ATP10B: variants seen among roughly 807,000 people sequenced by gnomAD.
ATP10B encodes ATPase phospholipid transporting 10B (putative), also known as phospholipid-transporting ATPase VB.
A neutral mutation model predicts 141.2 loss-of-function variants in ATP10B; 122 were observed. The observed-to-expected ratio is 0.86, with a 90% confidence interval of 0.75 to 1.00. The LOEUF is 1.00. Ranked by LOEUF, ATP10B falls within the 50% of genes least tolerant of loss-of-function variation. ATP10B has a pLI of 0.00. For missense variants in ATP10B, 1,876 were observed against 1,825.3 expected (o/e 1.03, Z -0.51); for synonymous variants, 685 against 692.0 (o/e 0.99, Z 0.16).
chr5:160,586,969 T>C (rs1041309727), intron 24 of ATP10B, among the ~76,000 whole-genome samples: 5 of 152,224 alleles, frequency 3.3e-5, no homozygotes, highest in Admixed American at 2.6e-4. Context: ...TTTAGTTTAG[T>C]AAATTTTCAT....
At chr5:160,872,357 G>A in the ATP10B span, among the ~76,000 whole-genome samples, 1 of 152,110 alleles carries the variant, frequency 6.6e-6, no homozygotes, top group Non-Finnish European at 1.5e-5. Context: ...TGTTCCTTTT[G>A]CCAAGCAAAA....
intron 1 of ATP10B, among the ~76,000 whole-genome samples, chr5:160,792,508 C>T (rs774855321): frequency 2.6e-5 from 4 of 152,078 alleles, no homozygotes; most frequent in Non-Finnish European, 5.9e-5. Context: ...GGTTCTGAGT[C>T]ACCTCTCTGA....
At chr5:160,629,804 A>G (rs1269788102) in intron 13 of ATP10B, among the ~76,000 whole-genome samples, 1 of 152,240 alleles carries the variant, frequency 6.6e-6, no homozygotes, top group South Asian at 2.1e-4. Context: ...TACATGGGGT[A>G]GCTGAGATGA....
intron 1 of ATP10B, among the ~76,000 whole-genome samples, chr5:160,832,277 G>C (rs1195000686): frequency 6.6e-6 from 1 of 152,106 alleles, no homozygotes; most frequent in Admixed American, 6.6e-5. Flanking sequence ...CATGACTACA[G>C]TATTTGTAGT....
the ATP10B span, among the ~76,000 whole-genome samples, chr5:160,905,944 G>A: frequency 1.3e-5 from 2 of 152,038 alleles, no homozygotes; most frequent in African/African-American, 4.8e-5. Flanking sequence ...AGGAAGAAAT[G>A]GGACAATTTT....
chr5:160,803,450 G>A (rs1461011445), intron 1 of ATP10B, among the ~76,000 whole-genome samples: 2 of 152,152 alleles, frequency 1.3e-5, no homozygotes, highest in African/African-American at 4.8e-5. Context: ...GGCTGAGGAG[G>A]GCAGATCACA....
intron 1 of ATP10B, among the ~76,000 whole-genome samples, chr5:160,800,161 A>C (rs566354604): frequency 6.6e-6 from 1 of 152,234 alleles, no homozygotes; most frequent in Non-Finnish European, 1.5e-5. Context: ...ATTTTATATA[A>C]TTCTGTCATT....
At chr5:160,805,519 G>A (rs951835898) in intron 1 of ATP10B, among the ~76,000 whole-genome samples, 3 of 152,188 alleles carry the variant, frequency 2.0e-5, no homozygotes, top group Non-Finnish European at 2.9e-5. Flanking sequence ...TTTGGCACAC[G>A]CATGTGGACA....
chr5:160,764,880 A>G (rs188073799), intron 2 of ATP10B, among the ~76,000 whole-genome samples: 1 of 152,334 alleles, frequency 6.6e-6, no homozygotes, highest in Admixed American at 6.5e-5. Context: ...ATACAAAATT[A>G]ATGTACACAA....
the ATP10B span, among the ~76,000 whole-genome samples, chr5:160,904,377 A>G: frequency 5.9e-5 from 9 of 152,216 alleles, 1 homozygote; most frequent in East Asian, 1.7e-3. Context: ...TGAGGAATAG[A>G]TTTTGGGTCT....
At chr5:160,895,093 C>G in the ATP10B span, among the ~76,000 whole-genome samples, 2 of 152,222 alleles carry the variant, frequency 1.3e-5, no homozygotes, top group South Asian at 4.1e-4. Flanking sequence ...CCAGCCACTA[C>G]AAAAATATAC....
At chr5:160,620,279 A>G in intron 15 of ATP10B, 68 bp downstream of exon 15, 2 of 1,520,456 alleles carry the variant, frequency 1.3e-6, no homozygotes, top group Middle Eastern at 1.9e-4. Context: ...GCTTCTTATT[A>G]CCATTCCACA....
Position 160,563,798 on chromosome 5 carries a change from A to G in ATP10B, c.*1655T>C, listed in dbSNP as rs1486250355. The G allele has an allele frequency of 6.6e-6, 1 of 152,142 alleles. No individual in the cohort carries two copies. The highest frequency in any genetic ancestry group is 1.5e-5 in the Non-Finnish European group (1 of 68,018). 9.4% of individuals were successfully genotyped at this position (152,142 alleles called of 1,614,324 possible). ...TACCTGAGATCCAAGTTTTGACTCAATCCCCTCACTGGAAACAATTCACAT... is the reference window on the plus strand; with the variant it reads ...TACCTGAGATCCAAGTTTTGACTCAGTCCCCTCACTGGAAACAATTCACAT... On this transcript the variant is annotated 3_prime_UTR_variant, in exon 26 of 26. Transcript: ENST00000327245.
chr5:160,688,614 T>C, intron 4 of ATP10B, 146 bp downstream of exon 4: 1 of 317,942 alleles, frequency 3.1e-6, no homozygotes, highest in Non-Finnish European at 4.5e-6. Context: ...CTATACTTAT[T>C]CCACAAGATT....
intron 24 of ATP10B, among the ~76,000 whole-genome samples, chr5:160,586,089 G>A (rs150909228): frequency 1.4e-4 from 22 of 152,184 alleles, no homozygotes; most frequent in African/African-American, 5.1e-4. Context: ...TTTAAGCCCT[G>A]CATGCATTAG....
At chr5:160,840,114 G>C (rs1178706470) in intron 1 of ATP10B, among the ~76,000 whole-genome samples, 1 of 151,908 alleles carries the variant, frequency 6.6e-6, no homozygotes, top group Non-Finnish European at 1.5e-5. Flanking sequence ...GATGGCCCTT[G>C]TTCTTGTTTA....
chr5:160,889,206 G>T, the ATP10B span, among the ~76,000 whole-genome samples: 1 of 152,112 alleles, frequency 6.6e-6, no homozygotes. Flanking sequence ...AGCCAACCCC[G>T]CAGCCTTCCA....
At chr5:160,684,009 C>T (rs911496834) in intron 6 of ATP10B, among the ~76,000 whole-genome samples, 1 of 152,122 alleles carries the variant, frequency 6.6e-6, no homozygotes, top group Non-Finnish European at 1.5e-5. Flanking sequence ...TCAGATAGTC[C>T]AGTCATCCTA....
At chr5:160,707,139 TG>T (rs1414175030) in intron 3 of ATP10B, among the ~76,000 whole-genome samples, 9 of 152,020 alleles carry the variant, frequency 5.9e-5, no homozygotes, top group Non-Finnish European at 1.0e-4. Flanking sequence ...TTAGTAGAGA[TG>T]GGGTTTCACC....
Sources: allele counts gnomAD v4.1 joint callset (sites outside exome capture counted in the v4.1 genomes callset), GRCh38; gene constraint gnomAD v4.1.1; transcripts MANE v1.5; gene names NCBI Gene and HGNC (gene_info 2026-07-23, HGNC 2026-07-21).